Variants in EIF4E observed in about 807,000 individuals in gnomAD.
EIF4E encodes the protein eIF-4F 25 kDa subunit.
For synonymous variants in EIF4E, 71 were observed against 88.5 expected (o/e 0.80, Z 1.11); for missense variants, 113 against 265.6 (o/e 0.43, Z 3.99).
chr4:98,899,167 G>A (rs1724542281), intron 2 of EIF4E, among the ~76,000 whole-genome samples: 1 of 151,752 alleles, frequency 6.6e-6, no homozygotes, highest in South Asian at 2.1e-4. Context: ...GGGTGAGTTA[G>A]CACTCTAATA....
intron 1 of EIF4E, among the ~76,000 whole-genome samples, chr4:98,919,104 C>G (rs576249854): frequency 6.6e-6 from 1 of 152,016 alleles, no homozygotes; most frequent in South Asian, 2.1e-4. Context: ...GTCAAGAGAT[C>G]AAGACCATCC....
At chr4:98,898,025 G>A (rs1297097433) in intron 2 of EIF4E, among the ~76,000 whole-genome samples, 1 of 151,630 alleles carries the variant, frequency 6.6e-6, no homozygotes, top group African/African-American at 2.4e-5. Context: ...TAACAAAGTA[G>A]AAAAAAATTC....
At chr4:98,927,932 T>G (rs1481074475) in intron 1 of EIF4E, among the ~76,000 whole-genome samples, 1 of 152,100 alleles carries the variant, frequency 6.6e-6, no homozygotes, top group Non-Finnish European at 1.5e-5. Flanking sequence ...ATGAAAAATA[T>G]ACCCTCTGCT....
chr4:98,920,606 A>C (rs1725599582), intron 1 of EIF4E, among the ~76,000 whole-genome samples: 1 of 152,068 alleles, frequency 6.6e-6, no homozygotes, highest in Non-Finnish European at 1.5e-5. Flanking sequence ...GCATTTTAAA[A>C]CACTCTAAGA....
At chr4:98,890,211 T>G (rs1724091238) in intron 3 of EIF4E, among the ~76,000 whole-genome samples, 1 of 152,184 alleles carries the variant, frequency 6.6e-6, no homozygotes. Flanking sequence ...ATGTATAAAT[T>G]TTATACCACA....
At chr4:98,913,707 A>C (rs978775505) in intron 1 of EIF4E, among the ~76,000 whole-genome samples, 1 of 152,232 alleles carries the variant, frequency 6.6e-6, no homozygotes, top group Non-Finnish European at 1.5e-5. Flanking sequence ...CATCAGTTTC[A>C]TATGTTCCCA....
At chr4:98,918,893 A>T (rs1326640348) in intron 1 of EIF4E, among the ~76,000 whole-genome samples, 2 of 152,358 alleles carry the variant, frequency 1.3e-5, no homozygotes, top group East Asian at 3.9e-4. Context: ...ACAACTGACA[A>T]TGCTGGTTGC....
intron 1 of EIF4E, among the ~76,000 whole-genome samples, chr4:98,905,397 A>T (rs1724828541): frequency 6.6e-6 from 1 of 152,192 alleles, no homozygotes; most frequent in South Asian, 2.1e-4. Context: ...AGCATCGTGT[A>T]ACGAATTTTA....
chr4:98,893,013 A>G (rs1399757163), intron 2 of EIF4E, among the ~76,000 whole-genome samples: 1 of 152,210 alleles, frequency 6.6e-6, no homozygotes, highest in Non-Finnish European at 1.5e-5. Flanking sequence ...CCAGATCATC[A>G]TAATAAAGTG....
intron 1 of EIF4E, among the ~76,000 whole-genome samples, chr4:98,913,406 C>A (rs1416486647): frequency 6.6e-6 from 1 of 152,038 alleles, no homozygotes; most frequent in Non-Finnish European, 1.5e-5. Context: ...TCACAGCTCA[C>A]TGCAGCCTCA....
At position 98,918,354 on chromosome 4, in the gene EIF4E, G is replaced by A. The variant is rs374917143; in HGVS notation, c.18+10741C>T. On this transcript the variant is annotated intron_variant, in intron 1 of 6. Coordinates refer to ENST00000450253, the MANE Select transcript of EIF4E (RefSeq NM_001968.5). Reference sequence around the variant, plus strand: ...CCAGCCTAGGCAAGAGCAAAGCTCCGTCTTGGAAAAAAAAAAAAAAAGAAA... The same window carrying A: ...CCAGCCTAGGCAAGAGCAAAGCTCCATCTTGGAAAAAAAAAAAAAAAGAAA... 1.7e-4 allele frequency among the ~76,000 whole-genome samples: 24 copies of A among 141,842 alleles called. No homozygotes were observed. The East Asian group carries it at 4.6e-3, about 27-fold the overall frequency. 93.1% of individuals were successfully genotyped at this position (141,842 alleles called of 152,430 possible). A position where few individuals can be genotyped will look rare whatever the true frequency, so the allele number is the denominator to read the frequency against.
chr4:98,918,725 AAAG>A (rs1208358056), intron 1 of EIF4E, among the ~76,000 whole-genome samples: 29 of 152,202 alleles, frequency 1.9e-4, no homozygotes, highest in Non-Finnish European at 3.7e-4. Context: ...CCATCAGAAA[AAAG>A]AAGTGAAAAC....
chr4:98,911,979 G>A (rs945315937), intron 1 of EIF4E, among the ~76,000 whole-genome samples: 2 of 151,960 alleles, frequency 1.3e-5, no homozygotes, highest in African/African-American at 2.4e-5. Context: ...TACAGGCCGG[G>A]CACAGTGGCT....
At chr4:98,894,686 C>G (rs1039575781) in intron 2 of EIF4E, among the ~76,000 whole-genome samples, 2 of 152,192 alleles carry the variant, frequency 1.3e-5, no homozygotes, top group African/African-American at 4.8e-5. Flanking sequence ...TGAACTTACT[C>G]TATATCAGCA....
intron 5 of EIF4E, chr4:98,886,701 G>A: frequency 2.9e-6 from 1 of 342,630 alleles, no homozygotes; most frequent in East Asian, 7.6e-5. Flanking sequence ...GGGCAACAGA[G>A]CAAGACCCTC....
chr4:98,914,573 T>C (rs1375841232), intron 1 of EIF4E, among the ~76,000 whole-genome samples: 2 of 151,972 alleles, frequency 1.3e-5, no homozygotes, highest in South Asian at 2.1e-4. Context: ...ACATACTGTA[T>C]GATTCTAACT....
chr4:98,884,010 G>T (rs1050527551), intron 6 of EIF4E, among the ~76,000 whole-genome samples: 3 of 144,526 alleles, frequency 2.1e-5, no homozygotes, highest in African/African-American at 7.7e-5. Flanking sequence ...CTGCACTCTT[G>T]CCTGAATAAC....
At chr4:98,888,078 T>C in intron 3 of EIF4E, 126 bp from the exon 4 acceptor site, 1 of 826,080 alleles carries the variant, frequency 1.2e-6, no homozygotes, top group Non-Finnish European at 1.9e-6. Flanking sequence ...TACTTGTTTC[T>C]AAGGAGTCAA....
intron 1 of EIF4E, among the ~76,000 whole-genome samples, chr4:98,919,619 T>G (rs1359479436): frequency 6.7e-6 from 1 of 149,630 alleles, no homozygotes; most frequent in Non-Finnish European, 1.5e-5. Context: ...CGTGCAGTGG[T>G]GCAGTCTTGG....
Sources: allele counts gnomAD v4.1 joint callset (sites outside exome capture counted in the v4.1 genomes callset), GRCh38; gene constraint gnomAD v4.1.1; transcripts MANE v1.5; gene names NCBI Gene and HGNC (gene_info 2026-07-23, HGNC 2026-07-21).